The following FARS2 variants were observed in gnomAD, a reference collection of about 807,000 sequenced individuals.
FARS2 encodes the protein phenylalanyl-tRNA synthetase 2, mitochondrial, also known as phenylalanine--tRNA ligase, mitochondrial.
In FARS2, 40 loss-of-function variants were observed where a neutral mutation model predicts 46.4. That is an observed-to-expected ratio of 0.86 (90% CI 0.67 to 1.12). FARS2 has a LOEUF of 1.12. Ranked by LOEUF, FARS2 falls within the 50% of genes most tolerant of loss-of-function variation. FARS2 has a pLI of 0.00. For synonymous variants in FARS2, 234 were observed against 214.9 expected (o/e 1.09, Z -0.78); for missense variants, 513 against 567.9 (o/e 0.90, Z 0.98).
intron 5 of FARS2, among the ~76,000 whole-genome samples, chr6:5,546,331 A>G (rs1288755314): frequency 2.0e-5 from 3 of 148,268 alleles, no homozygotes; most frequent in Admixed American, 6.8e-5. Context: ...GCTCACTGCA[A>G]CCTGCGCCTC....
chr6:5,314,542 C>T (rs1406464371), intron 1 of FARS2, among the ~76,000 whole-genome samples: 2 of 152,180 alleles, frequency 1.3e-5, no homozygotes, highest in Non-Finnish European at 2.9e-5. Context: ...GAGCACTTAC[C>T]TTTTAGGATA....
At position 5,638,369 on chromosome 6, in the gene FARS2, A is replaced by G. The variant is rs11243025; in HGVS notation, c.1217+25049A>G. 7.2e-3 allele frequency among the ~76,000 whole-genome samples: 1,094 copies of G among 152,288 alleles called. 62 individuals carry two copies. In the East Asian group the frequency reaches 0.15, roughly 21 times the overall value. On this transcript the variant is annotated intron_variant, in intron 6 of 6. Transcript: ENST00000274680. ...CACCTGAGGTCAGGAGTTCCAGACC[A>G]ATGTGGCCACCTTGGTGAAACCCCA...
chr6:5,770,435 T>A (rs1582909741), intron 6 of FARS2, among the ~76,000 whole-genome samples: 1 of 151,838 alleles, frequency 6.6e-6, no homozygotes, highest in Admixed American at 6.5e-5. Context: ...CTGCTGGGGG[T>A]TGGAAAAGAG....
chr6:5,479,903 C>T (rs938749473), intron 4 of FARS2, among the ~76,000 whole-genome samples: 4 of 152,162 alleles, frequency 2.6e-5, no homozygotes, highest in African/African-American at 9.7e-5. Flanking sequence ...CTAGCACAAC[C>T]CTCTGCTCCT....
chr6:5,252,462 C>T, the FARS2 span, among the ~76,000 whole-genome samples: 1 of 152,194 alleles, frequency 6.6e-6, no homozygotes, highest in Non-Finnish European at 1.5e-5. Context: ...CAATTACCCA[C>T]GTCTGGTTCT....
At chr6:5,262,724 T>C (rs1443263642) in intron 1 of FARS2, among the ~76,000 whole-genome samples, 3 of 152,326 alleles carry the variant, frequency 2.0e-5, no homozygotes, top group East Asian at 3.9e-4. Context: ...GAAGAGAAAA[T>C]ACTTTTATTA....
intron 6 of FARS2, among the ~76,000 whole-genome samples, chr6:5,648,955 A>T (rs1359486428): frequency 6.6e-6 from 1 of 152,192 alleles, no homozygotes; most frequent in East Asian, 1.9e-4. Flanking sequence ...AATACAGTAT[A>T]AAACAACATT....
chr6:5,683,725 A>C (rs1343402177), intron 6 of FARS2, among the ~76,000 whole-genome samples: 1 of 152,052 alleles, frequency 6.6e-6, no homozygotes, highest in Non-Finnish European at 1.5e-5. Context: ...CTAGGTTTTA[A>C]GCCCCGGAGG....
intron 5 of FARS2, among the ~76,000 whole-genome samples, chr6:5,571,007 C>G (rs1433907869): frequency 6.6e-6 from 1 of 152,196 alleles, no homozygotes; most frequent in African/African-American, 2.4e-5. Context: ...AATAGACTTA[C>G]TGACTGTTTC....
chr6:5,524,437 T>C (rs928651497), intron 4 of FARS2, among the ~76,000 whole-genome samples: 2 of 152,236 alleles, frequency 1.3e-5, no homozygotes, highest in Non-Finnish European at 2.9e-5. Flanking sequence ...TGAGAGGATT[T>C]AGAGAAGATG....
chr6:5,378,021 A>G (rs1759492595), intron 2 of FARS2, among the ~76,000 whole-genome samples: 1 of 152,238 alleles, frequency 6.6e-6, no homozygotes, highest in African/African-American at 2.4e-5. Flanking sequence ...TCACACAGAA[A>G]TAAAGGGAAA....
upstream of FARS2, chr6:5,261,072 G>A (rs997480189): frequency 1.4e-5 from 7 of 514,856 alleles, no homozygotes; most frequent in Non-Finnish European, 1.8e-5. Context: ...GAAATAAGAG[G>A]ACTGGCCGCC....
chr6:5,548,104 G>C (rs1771150135), intron 5 of FARS2, among the ~76,000 whole-genome samples: 1 of 152,158 alleles, frequency 6.6e-6, no homozygotes, highest in Non-Finnish European at 1.5e-5. Flanking sequence ...AGAAACCCCT[G>C]ATAAACCCAT....
At chr6:5,545,120 G>A (rs1360105390) in intron 4 of FARS2, 60 bp from the exon 5 acceptor site, 1 of 1,533,474 alleles carries the variant, frequency 6.5e-7, no homozygotes, top group Admixed American at 1.7e-5. Flanking sequence ...TCAGGGAGTG[G>A]TATGAACCTA....
At chr6:5,566,664 A>G (rs577678594) in intron 5 of FARS2, among the ~76,000 whole-genome samples, 1 of 152,364 alleles carries the variant, frequency 6.6e-6, no homozygotes, top group Non-Finnish European at 1.5e-5. Flanking sequence ...ACAAGATTCA[A>G]GAAGAGAAAA....
In FARS2 at chr6:5,532,764, G is replaced by A. The variant is rs1050820284; in HGVS notation, c.905-12416G>A. Among the ~76,000 whole-genome samples the A allele has an allele frequency of 2.0e-5, 3 of 148,808 alleles. No individual in the cohort carries two copies. In the Admixed American group the frequency reaches 2.0e-4, roughly 10 times the overall value. ...AGACTCTGTTTCAAAAGTAGTAGTA[G>A]TAATAATAATAATAATAATAAGAAG... On this transcript the variant is annotated intron_variant, in intron 4 of 6. Coordinates refer to ENST00000274680, the MANE Select transcript of FARS2 (RefSeq NM_006567.5).
intron 6 of FARS2, among the ~76,000 whole-genome samples, chr6:5,668,937 G>C (rs9504485): frequency 0.92 from 139,245 of 152,074 alleles, 64,353 homozygotes; most frequent in East Asian, 1. Flanking sequence ...CTCAGGCGAT[G>C]GACCCGCCTT....
intron 1 of FARS2, among the ~76,000 whole-genome samples, chr6:5,339,315 T>G (rs1771387519): frequency 6.6e-6 from 1 of 152,238 alleles, no homozygotes; most frequent in South Asian, 2.1e-4. Flanking sequence ...CAAAGATAAC[T>G]ATATTTAAAA....
chr6:5,737,714 G>A (rs1341777762), intron 6 of FARS2, among the ~76,000 whole-genome samples: 2 of 152,098 alleles, frequency 1.3e-5, no homozygotes, highest in African/African-American at 4.8e-5. Flanking sequence ...TCTGGATGAG[G>A]TTCCCTGAGG....
Sources: allele counts gnomAD v4.1 joint callset (sites outside exome capture counted in the v4.1 genomes callset), GRCh38; gene constraint gnomAD v4.1.1; transcripts MANE v1.5; gene names NCBI Gene and HGNC (gene_info 2026-07-23, HGNC 2026-07-21).